Variants in HDGFL2 observed in about 807,000 individuals in gnomAD.
HDGFL2 encodes hepatoma-derived growth factor-related protein 2.
In HDGFL2, 36 loss-of-function variants were observed where a neutral mutation model predicts 77.1. The observed-to-expected ratio is 0.47, with a 90% CI of 0.36 to 0.62. The LOEUF is 0.62. HDGFL2 is among the 20% of genes least tolerant of loss of function. The pLI, the probability that HDGFL2 is intolerant of heterozygous loss-of-function variation, is 0.00. For synonymous variants in HDGFL2, 463 were observed against 413.1 expected (o/e 1.12, Z -1.46); for missense variants, 976 against 973.4 (o/e 1.00, Z -0.04).
At chr19:4,483,835 G>A in intron 3 of HDGFL2, among the ~76,000 whole-genome samples, 1 of 137,176 alleles carries the variant, frequency 7.3e-6, no homozygotes, top group East Asian at 2.1e-4. Context: ...TGTCTCCTAA[G>A]CTGGAGTGCA....
intron 3 of HDGFL2, among the ~76,000 whole-genome samples, chr19:4,481,023 AT>A (rs35117226): frequency 0.6 from 78,889 of 132,436 alleles, 22,997 homozygotes; most frequent in Middle Eastern, 0.65. Flanking sequence ...AACCCGGCTA[AT>A]TTTTTTTTTT....
At chr19:4,483,570 C>T (rs1334186908) in intron 3 of HDGFL2, among the ~76,000 whole-genome samples, 1 of 152,160 alleles carries the variant, frequency 6.6e-6, no homozygotes, top group Non-Finnish European at 1.5e-5. Flanking sequence ...CCTGCTCCCT[C>T]TTGCCCGGCC....
chr19:4,498,982 G>T, intron 13 of HDGFL2, 67 bp downstream of exon 13: 1 of 1,134,712 alleles, frequency 8.8e-7, no homozygotes, highest in South Asian at 1.3e-5. Context: ...CTGCCCGGGA[G>T]CCCAGGCCCC....
intron 14 of HDGFL2, 26 bp downstream of exon 14, chr19:4,499,730 G>A: frequency 1.3e-6 from 2 of 1,486,816 alleles, no homozygotes; most frequent in Non-Finnish European, 1.8e-6. Context: ...GGTGGGCCCT[G>A]TACCTCAGTC....
intron 3 of HDGFL2, 53 bp downstream of exon 3, chr19:4,475,636 G>A: frequency 6.6e-7 from 1 of 1,524,340 alleles, no homozygotes; most frequent in South Asian, 1.3e-5. Flanking sequence ...ATGCAAGAAG[G>A]GGCCTCCAGT....
At position 4,491,831 on chromosome 19, in the gene HDGFL2, A is replaced by G; in HGVS notation, c.674A>G (p.Lys225Arg). ...PRRGPLGGRK[K>R]KKAPSASDSD... is the part of the protein sequence containing the mutation. ...AGGGGCCCTCTGGGGGGACGGAAAA[A>G]AAAGGTAGCGTGCACTTGACTTTGT... The change falls in exon 6 of 16, where the codon AAA becomes AGA. Residue 225 changes from lysine to arginine, a missense_variant. Physicochemically the swap from Lys to Arg is conservative, Grantham distance 26. Coordinates refer to ENST00000616600, the MANE Select transcript of HDGFL2 (RefSeq NM_001001520.3). The G allele has an allele frequency of 3.1e-6, 5 of 1,613,796 alleles. No individual in the cohort carries two copies. The highest frequency in any genetic ancestry group is 3.4e-6 in the Non-Finnish European group (4 of 1,179,844).
intron 4 of HDGFL2, among the ~76,000 whole-genome samples, chr19:4,490,045 CAG>C (rs960282453): frequency 6.6e-6 from 1 of 152,168 alleles, no homozygotes; most frequent in African/African-American, 2.4e-5. Flanking sequence ...GTGACGTCCT[CAG>C]GGTGCATCCG....
chr19:4,497,302 A>T (rs1975731418), intron 10 of HDGFL2: 1 of 374,006 alleles, frequency 2.7e-6, no homozygotes, highest in Admixed American at 3.3e-5. Flanking sequence ...GGTTCAAGCG[A>T]TTTTCCTAGC....
rs5826851 is a variant in HDGFL2 at position 4,483,787 on chromosome 19, A to ATT, written c.289-4868_289-4867dup. The stretch of plus-strand genomic sequence containing the variant: ...GAGAATGGGACTTAATTGTTTCATG[A>ATT]TTTTTTTTTTTTTTTTTTTTTTGAG... On this transcript the variant is annotated intron_variant, in intron 3 of 15. Transcript: ENST00000616600. 5.7e-3 allele frequency among the ~76,000 whole-genome samples: 573 copies of ATT among 100,506 alleles called. 9 individuals are homozygous for ATT. Among genetic ancestry groups the ATT allele is most frequent in the South Asian group, 0.021 (69 of 3,232 alleles). The allele number at this position is 100,506 out of a possible 152,430, so 65.9% of individuals were successfully genotyped here. A position where few individuals can be genotyped will look rare whatever the true frequency, so the allele number is the denominator to read the frequency against.
At chr19:4,477,441 T>G (rs1048462761) in intron 3 of HDGFL2, among the ~76,000 whole-genome samples, 3 of 152,196 alleles carry the variant, frequency 2.0e-5, no homozygotes, top group Non-Finnish European at 4.4e-5. Flanking sequence ...GAGGTTTCCC[T>G]GGTTTCATAC....
intron 3 of HDGFL2, among the ~76,000 whole-genome samples, chr19:4,479,090 G>T (rs1975146872): frequency 6.6e-6 from 1 of 151,788 alleles, no homozygotes; most frequent in African/African-American, 2.4e-5. Context: ...ACTGTGGGAG[G>T]CCAAGGGGGC....
chr19:4,477,775 A>C (rs1975108270), intron 3 of HDGFL2, among the ~76,000 whole-genome samples: 3 of 152,116 alleles, frequency 2.0e-5, no homozygotes. Context: ...TCTAGATGGA[A>C]CGTGTGTTTA....
At chr19:4,488,608 C>T (rs1975421090) in intron 3 of HDGFL2, 68 bp from the exon 4 acceptor site, 3 of 1,405,600 alleles carry the variant, frequency 2.1e-6, no homozygotes, top group African/African-American at 1.4e-5. Context: ...TCCTCTGGGT[C>T]ATAGTCCTGA....
intron 1 of HDGFL2, among the ~76,000 whole-genome samples, chr19:4,474,445 C>A (rs1975019644): frequency 6.6e-6 from 1 of 152,054 alleles, no homozygotes; most frequent in Non-Finnish European, 1.5e-5. Flanking sequence ...GCCAGGGACT[C>A]TGATAAAGTA....
chr19:4,492,820 CTG>C (rs756567142), intron 6 of HDGFL2, among the ~76,000 whole-genome samples: 5 of 111,978 alleles, frequency 4.5e-5, no homozygotes, highest in African/African-American at 1.2e-4. Flanking sequence ...TATGTGTGGT[CTG>C]TGTGTGTTAT....
At chr19:4,475,643 C>T in intron 3 of HDGFL2, 60 bp downstream of exon 3, 2 of 1,515,204 alleles carry the variant, frequency 1.3e-6, no homozygotes, top group Non-Finnish European at 1.8e-6. Flanking sequence ...AAGGGGCCTC[C>T]AGTTAGGGTC....
intron 3 of HDGFL2, among the ~76,000 whole-genome samples, chr19:4,484,666 ATTTTTTTTTT>A (rs71168907): frequency 0.014 from 1,034 of 74,148 alleles, 35 homozygotes; most frequent in Middle Eastern, 0.056. Context: ...CGCCTGGCTA[ATTTTTTTTTT>A]TTTTTTTTTT....
intron 1 of HDGFL2, among the ~76,000 whole-genome samples, chr19:4,472,707 C>T (rs1974974080): frequency 1.3e-5 from 2 of 150,046 alleles, no homozygotes; most frequent in South Asian, 2.1e-4. Context: ...CTCAGGGAGC[C>T]CCGCCCTCGG....
rs543492320 is a variant in HDGFL2, at chr19:4,494,231, T to A, written c.980T>A (p.Leu327Gln). Residue 327 changes from leucine to glutamine, a missense_variant, in exon 9 of 16, where the codon CTG becomes CAG. By Grantham distance (113) the Leu-to-Gln change is moderately radical. Around this residue, in one of 5 missense-constraint regions of HDGFL2, gnomAD observed 567 missense variants for 534.7 expected, o/e 1.06. Coordinates refer to ENST00000616600, the MANE Select transcript of HDGFL2 (RefSeq NM_001001520.3). ...CGGGACGAGGCGCGGAGGCGCGAGC[T>A]GGAGGCCCGGCGGCGGCGAGAGCAG... ...KRRDEARRRE[L>Q]EARRRREQEE... The A allele has an allele frequency of 9.6e-6, 14 of 1,462,106 alleles. No individual in the cohort carries two copies. Among genetic ancestry groups the A allele is most frequent in the Middle Eastern group, 1.9e-4 (1 of 5,244 alleles). 90.6% of individuals were successfully genotyped at this position (1,462,106 alleles called of 1,614,324 possible).
Sources: allele counts gnomAD v4.1 joint callset (sites outside exome capture counted in the v4.1 genomes callset), GRCh38; gene constraint gnomAD v4.1.1; regional missense constraint gnomAD v4.1.1; transcripts MANE v1.5; gene names NCBI Gene and HGNC (gene_info 2026-07-23, HGNC 2026-07-21).